Variants in SFMBT2 observed in about 807,000 individuals in gnomAD.
SFMBT2 encodes Scm like with four mbt domains 2.
In SFMBT2, 38 loss-of-function variants were observed where a neutral mutation model predicts 110.1. That is an observed-to-expected ratio of 0.35 (90% CI 0.27 to 0.45). SFMBT2 has a LOEUF of 0.45. SFMBT2 is among the 20% of genes least tolerant of loss of function. The probability of loss-of-function intolerance (pLI) is 1.00; values close to 1 mark genes in which losing one functional copy is unlikely to be tolerated. For missense variants in SFMBT2, 1,011 were observed against 1,094.9 expected (o/e 0.92, Z 1.08); for synonymous variants, 425 against 425.4 (o/e 1.00, Z 0.01).
At chr10:7,395,393 G>C (rs1845896805) in intron 1 of SFMBT2, among the ~76,000 whole-genome samples, 1 of 152,238 alleles carries the variant, frequency 6.6e-6, no homozygotes, top group Non-Finnish European at 1.5e-5. Flanking sequence ...GTCCTAATTA[G>C]GGGACTTTTT....
At chr10:7,339,355 C>T (rs774046965) in intron 4 of SFMBT2, among the ~76,000 whole-genome samples, 5 of 152,188 alleles carry the variant, frequency 3.3e-5, no homozygotes, top group African/African-American at 4.8e-5. Context: ...ATCAATTCCA[C>T]ACAAAGGAGT....
At position 7,273,963 on chromosome 10, in the gene SFMBT2, T is replaced by C. The variant is rs192475915; in HGVS notation, c.870+2929A>G. Among the ~76,000 whole-genome samples the C allele has an allele frequency of 5.6e-4, 85 of 152,334 alleles. 1 individual carries two copies. In the East Asian group the frequency reaches 0.013, roughly 23 times the overall value. ...CAAAGGATTATAAATCATGCTGCTA[T>C]GAAGACACATGCACACGGATGTTTA... is the stretch of plus-strand genomic sequence containing the variant. On this transcript the variant is annotated intron_variant, in intron 7 of 20. Coordinates refer to ENST00000397167, the MANE Select transcript of SFMBT2 (RefSeq NM_001387889.1).
intron 4 of SFMBT2, among the ~76,000 whole-genome samples, chr10:7,323,486 G>C (rs1190285922): frequency 9.1e-6 from 1 of 110,408 alleles, no homozygotes; most frequent in Non-Finnish European, 1.9e-5. Flanking sequence ...AAAAAAAAAT[G>C]AGGAAAATAA....
At chr10:7,319,790 GAGAC>G (rs201578648) in intron 4 of SFMBT2, among the ~76,000 whole-genome samples, 12,236 of 150,468 alleles carry the variant, frequency 0.081, 547 homozygotes, top group Non-Finnish European at 0.11. Context: ...GAGAGAGGGA[GAGAC>G]AGACAGACAG....
chr10:7,177,836 C>T (rs939693235), intron 16 of SFMBT2, among the ~76,000 whole-genome samples: 67 of 149,456 alleles, frequency 4.5e-4, no homozygotes, highest in Non-Finnish European at 1.6e-4. Flanking sequence ...CCAGCCTGGG[C>T]GACACAGTGG....
At chr10:7,182,846 C>T (rs895292737) in intron 16 of SFMBT2, among the ~76,000 whole-genome samples, 5 of 151,302 alleles carry the variant, frequency 3.3e-5, no homozygotes, top group Non-Finnish European at 7.4e-5. Context: ...TGCACATGTA[C>T]CCTAGAACTT....
intron 1 of SFMBT2, among the ~76,000 whole-genome samples, chr10:7,389,600 G>A (rs180713351): frequency 2.0e-5 from 3 of 152,290 alleles, no homozygotes; most frequent in African/African-American, 7.2e-5. Flanking sequence ...CAGAATTCTA[G>A]TACTGGAACT....
At chr10:7,388,957 A>G (rs1845696099) in intron 1 of SFMBT2, among the ~76,000 whole-genome samples, 1 of 152,216 alleles carries the variant, frequency 6.6e-6, no homozygotes, top group Admixed American at 6.5e-5. Flanking sequence ...AGTGCAGGCA[A>G]GGGTGTGAAC....
intron 4 of SFMBT2, among the ~76,000 whole-genome samples, chr10:7,297,220 A>G (rs188939612): frequency 1.7e-4 from 26 of 152,364 alleles, no homozygotes; most frequent in Admixed American, 1.7e-3. Context: ...TTGAGAGTGC[A>G]CAGAAGGAAG....
intron 2 of SFMBT2, among the ~76,000 whole-genome samples, chr10:7,380,355 C>T (rs1205928627): frequency 1.3e-5 from 2 of 152,164 alleles, no homozygotes; most frequent in African/African-American, 4.8e-5. Flanking sequence ...ATACTAACGC[C>T]CTTCAACACA....
chr10:7,267,356 C>G (rs969023611), intron 7 of SFMBT2, among the ~76,000 whole-genome samples: 12 of 152,288 alleles, frequency 7.9e-5, no homozygotes, highest in Admixed American at 7.8e-4. Flanking sequence ...ATTACCAAAC[C>G]TGGGGCAGAT....
At chr10:7,231,715 AATGT>A (rs66517764) in intron 9 of SFMBT2, among the ~76,000 whole-genome samples, 140,617 of 152,098 alleles carry the variant, frequency 0.92, 65,035 homozygotes, top group Non-Finnish European at 0.93. Context: ...TCCCTAGAAC[AATGT>A]TGCTCATTTC....
chr10:7,376,526 CG>C (rs1845213084), intron 2 of SFMBT2, among the ~76,000 whole-genome samples: 1 of 150,932 alleles, frequency 6.6e-6, no homozygotes, highest in Admixed American at 6.6e-5. Flanking sequence ...GGTGAAACTC[CG>C]TCTCTACTAA....
chr10:7,282,427 T>C (rs1227389603), intron 6 of SFMBT2, among the ~76,000 whole-genome samples: 1 of 152,232 alleles, frequency 6.6e-6, no homozygotes, highest in African/African-American at 2.4e-5. Flanking sequence ...AGCAATTAGA[T>C]ACTAAGCAGA....
chr10:7,268,941 C>T (rs1328381626), intron 7 of SFMBT2, among the ~76,000 whole-genome samples: 3 of 152,150 alleles, frequency 2.0e-5, no homozygotes, highest in African/African-American at 7.2e-5. Context: ...CTGAGAGCCA[C>T]GGTGATATAC....
At chr10:7,174,023 C>T (rs1588765142) in intron 17 of SFMBT2, among the ~76,000 whole-genome samples, 1 of 152,336 alleles carries the variant, frequency 6.6e-6, no homozygotes, top group East Asian at 1.9e-4. Context: ...CCACCTCCTC[C>T]CCTGCGTTTG....
chr10:7,280,935 G>A (rs564534595), intron 6 of SFMBT2, among the ~76,000 whole-genome samples: 1 of 152,260 alleles, frequency 6.6e-6, no homozygotes, highest in Admixed American at 6.5e-5. Context: ...GAGAAATACT[G>A]TACCCTTTAA....
At chr10:7,386,807 T>G (rs1210610094) in intron 1 of SFMBT2, among the ~76,000 whole-genome samples, 1 of 152,196 alleles carries the variant, frequency 6.6e-6, no homozygotes, top group East Asian at 1.9e-4. Context: ...GATTACTAAG[T>G]ACATAATAAA....
intron 1 of SFMBT2, among the ~76,000 whole-genome samples, chr10:7,399,584 TAG>T (rs1413022543): frequency 5.3e-5 from 8 of 152,224 alleles, no homozygotes; most frequent in Non-Finnish European, 1.0e-4. Flanking sequence ...GGAAGTTTAC[TAG>T]AGTCTTCCTG....
Sources: gnomAD v4.1 joint callset for allele counts (sites outside exome capture counted in the v4.1 genomes callset) on GRCh38, gnomAD v4.1.1 for gene constraint, MANE v1.5 for transcripts, NCBI Gene and HGNC (gene_info 2026-07-23, HGNC 2026-07-21) for gene names.